Variants in CELF2 observed in about 807,000 individuals in gnomAD.
CELF2 encodes CUG triplet repeat RNA-binding protein 2.
CELF2 carries 8 observed loss-of-function variants against 62.6 expected under a neutral mutation model. The ratio of observed to expected loss-of-function variants is 0.13; its 90% CI spans 0.07 to 0.23. The LOEUF (loss-of-function observed/expected upper bound fraction) is 0.23. Ranked by LOEUF, CELF2 falls within the 10% of genes least tolerant of loss-of-function variation. The pLI is 1.00. For missense variants in CELF2, 333 were observed against 671.0 expected (o/e 0.50, Z 5.56); for synonymous variants, 258 against 250.0 (o/e 1.03, Z -0.30).
intron 1 of CELF2, among the ~76,000 whole-genome samples, chr10:10,835,565 C>T (rs1190148098): frequency 1.3e-5 from 2 of 151,876 alleles, no homozygotes; most frequent in Non-Finnish European, 2.9e-5. Context: ...GTATTTTTAG[C>T]AGATATGGGG....
chr10:10,693,910 T>C, the CELF2 span, among the ~76,000 whole-genome samples: 1 of 152,048 alleles, frequency 6.6e-6, no homozygotes, highest in African/African-American at 2.4e-5. Context: ...CTTTTTTTCT[T>C]TATTAGTCTT....
At chr10:10,895,668 C>A (rs2062494592) in intron 1 of CELF2, among the ~76,000 whole-genome samples, 3 of 152,024 alleles carry the variant, frequency 2.0e-5, no homozygotes, top group Non-Finnish European at 4.4e-5. Context: ...TGCTTCTGAC[C>A]CAGATGGAGT....
the CELF2 span, among the ~76,000 whole-genome samples, chr10:10,557,346 A>G: frequency 4.0e-5 from 6 of 151,644 alleles, no homozygotes; most frequent in Non-Finnish European, 7.4e-5. Flanking sequence ...ATAGTTGTGG[A>G]TATGTGGCGT....
At chr10:11,163,733 G>A (rs1361267143) in intron 1 of CELF2, among the ~76,000 whole-genome samples, 1 of 152,178 alleles carries the variant, frequency 6.6e-6, no homozygotes, top group Non-Finnish European at 1.5e-5. Flanking sequence ...AAAATAGGGG[G>A]ATACGAAGAA....
chr10:10,576,003 A>G, the CELF2 span, among the ~76,000 whole-genome samples: 20 of 152,338 alleles, frequency 1.3e-4, no homozygotes, highest in African/African-American at 4.6e-4. Context: ...ACATTTTAGC[A>G]GTCTCATGGA....
At chr10:10,663,819 CAT>C in the CELF2 span, among the ~76,000 whole-genome samples, 40 of 152,306 alleles carry the variant, frequency 2.6e-4, no homozygotes, top group African/African-American at 9.6e-4. Flanking sequence ...ACAGTAGCCA[CAT>C]GTTATGTAAT....
chr10:11,305,553 TAGGAAGAGA>T lies in CELF2; in HGVS notation c.977-8579_977-8571del, dbSNP rs563830473. Among the ~76,000 whole-genome samples, 1 of 152,326 alleles carries T rather than the reference TAGGAAGAGA, an allele frequency of 6.6e-6. No individual in the cohort carries two copies. The highest frequency in any genetic ancestry group is 2.1e-4 in the South Asian group (1 of 4,828). On this transcript the variant is annotated intron_variant, in intron 9 of 12. Coordinates refer to ENST00000633077, the MANE Select transcript of CELF2 (RefSeq NM_001326342.2). The surrounding 1 kb of genome is among the most constrained non-coding windows in gnomAD (Gnocchi z 4.8). ...TATTACCTGTTATTGTCAGTGGGAT[TAGGAAGAGA>T]AGGAAGGTTGGGGGGTTCAGCTCTC...
At chr10:10,730,635 C>T in the CELF2 span, among the ~76,000 whole-genome samples, 1 of 152,168 alleles carries the variant, frequency 6.6e-6, no homozygotes, top group Non-Finnish European at 1.5e-5. Flanking sequence ...AAATATTTGC[C>T]ACGTGAAAAC....
At chr10:10,910,946 G>A (rs571818922) in intron 1 of CELF2, among the ~76,000 whole-genome samples, 56 of 152,268 alleles carry the variant, frequency 3.7e-4, no homozygotes, top group Non-Finnish European at 7.3e-4. Flanking sequence ...ACTAACAGCC[G>A]AGTCAGGTAC....
the CELF2 span, among the ~76,000 whole-genome samples, chr10:10,690,269 C>T: frequency 6.6e-6 from 1 of 152,148 alleles, no homozygotes; most frequent in South Asian, 2.1e-4. Flanking sequence ...AGGTGTTACC[C>T]TGTAGCATAC....
intron 2 of CELF2, among the ~76,000 whole-genome samples, chr10:10,978,024 G>GTT (rs1310804718): frequency 7.0e-6 from 1 of 141,882 alleles, no homozygotes. Flanking sequence ...TTGGGTTTGG[G>GTT]TTTTTTTTTG....
chr10:10,742,037 A>C, the CELF2 span, among the ~76,000 whole-genome samples: 1 of 152,180 alleles, frequency 6.6e-6, no homozygotes, highest in Non-Finnish European at 1.5e-5. Context: ...GTATTATCTA[A>C]TACTACCATT....
intron 2 of CELF2, among the ~76,000 whole-genome samples, chr10:10,969,365 A>G (rs1416984130): frequency 6.6e-6 from 1 of 152,194 alleles, no homozygotes; most frequent in Non-Finnish European, 1.5e-5. Context: ...GGGGTGAGTG[A>G]TCTCTAAGAA....
At chr10:10,550,441 C>T in the CELF2 span, among the ~76,000 whole-genome samples, 1 of 152,146 alleles carries the variant, frequency 6.6e-6, no homozygotes, top group Admixed American at 6.5e-5. Context: ...GCATAGAAGC[C>T]ACTATCCTGG....
At chr10:11,019,952 C>G (rs965233776) in intron 1 of CELF2, among the ~76,000 whole-genome samples, 1 of 152,218 alleles carries the variant, frequency 6.6e-6, no homozygotes, top group Non-Finnish European at 1.5e-5. Flanking sequence ...TCACCTGCTA[C>G]TTAAGTGACC....
chr10:11,150,262 T>C lies in CELF2; in HGVS notation c.75-15224T>C, dbSNP rs544544959. The stretch of plus-strand genomic sequence containing the variant: ...AAGGCAAGAGCACAGGTATCACGCT[T>C]TTTGTGGTTTATAATCTTTATTTTG... On this transcript the variant is annotated intron_variant, in intron 1 of 12. Transcript: ENST00000633077. 1.4e-5 allele frequency among the ~76,000 whole-genome samples: 2 copies of C among 147,876 alleles called. 1 individual carries two copies. Among genetic ancestry groups the C allele is most frequent in the South Asian group, 4.2e-4 (2 of 4,814 alleles).
chr10:10,804,976 T>C (rs2055062876), intron 1 of CELF2, among the ~76,000 whole-genome samples: 1 of 152,362 alleles, frequency 6.6e-6, no homozygotes, highest in Middle Eastern at 3.4e-3. Flanking sequence ...GTTGCATGGA[T>C]GCTCTGCTTG....
In CELF2 at chr10:11,306,310, A is replaced by C. The variant is rs1370528487; in HGVS notation, c.977-7829A>C. 6.6e-6 allele frequency among the ~76,000 whole-genome samples: 1 copy of C among 152,026 alleles called. No homozygotes were observed. The highest frequency in any genetic ancestry group is 2.4e-5 in the African/African-American group (1 of 41,382). Reference sequence around the variant, plus strand: ...ATTTTGTAAAACTTTTAAGTGAGAAAGCGTAGGGTACAGTTCTCAGCACAG... The same window carrying C: ...ATTTTGTAAAACTTTTAAGTGAGAACGCGTAGGGTACAGTTCTCAGCACAG... On this transcript the variant is annotated intron_variant, in intron 9 of 12. Coordinates refer to ENST00000633077, the MANE Select transcript of CELF2 (RefSeq NM_001326342.2). The surrounding 1 kb of genome is among the most constrained non-coding windows in gnomAD (Gnocchi z 4.4).
intron 2 of CELF2, among the ~76,000 whole-genome samples, chr10:11,169,835 C>G (rs2068302284): frequency 6.6e-6 from 1 of 152,130 alleles, no homozygotes; most frequent in East Asian, 1.9e-4. Context: ...CAGTGAAGAC[C>G]AGGAGGCTTT....
Sources: gnomAD v4.1 joint callset for allele counts (sites outside exome capture counted in the v4.1 genomes callset) on GRCh38, gnomAD v4.1.1 for gene constraint, Gnocchi (gnomAD v3.1) non-coding constraint, MANE v1.5 for transcripts, NCBI Gene and HGNC (gene_info 2026-07-23, HGNC 2026-07-21) for gene names.